The following RBFOX1 variants were observed in gnomAD, a reference collection of about 807,000 sequenced individuals.
RBFOX1 encodes RNA binding fox-1 homolog 1.
In RBFOX1, 8 loss-of-function variants were observed where a neutral mutation model predicts 57.7. That is an observed-to-expected ratio of 0.14 (90% CI 0.08 to 0.25). RBFOX1 has a LOEUF of 0.25. Ranked by LOEUF, RBFOX1 falls within the 10% of genes least tolerant of loss-of-function variation. The pLI is 1.00. For missense variants in RBFOX1, 611 were observed against 548.5 expected (o/e 1.11, Z -1.14); for synonymous variants, 326 against 222.4 (o/e 1.47, Z -4.15).
At chr16:5,467,191 T>TCC in intron 1 of RBFOX1, 2 of 1,464,028 alleles carry the variant, frequency 1.4e-6, no homozygotes, top group Non-Finnish European at 1.8e-6. Context: ...TCTCTCTCTC[T>TCC]CTCTCTTTTT....
intron 2 of RBFOX1, among the ~76,000 whole-genome samples, chr16:5,511,390 T>G (rs186346055): frequency 1.3e-4 from 20 of 152,320 alleles, no homozygotes; most frequent in Admixed American, 1.2e-3. Context: ...GTGCCTTTAT[T>G]TTTCCTTGCC....
chr16:6,831,084 T>C (rs571261245), intron 3 of RBFOX1, among the ~76,000 whole-genome samples: 2 of 152,208 alleles, frequency 1.3e-5, no homozygotes, highest in African/African-American at 4.8e-5. Context: ...CCATCTAAAG[T>C]AAAGCTGGAT....
At chr16:6,371,248 T>C (rs1366530991) in intron 2 of RBFOX1, among the ~76,000 whole-genome samples, 2 of 152,212 alleles carry the variant, frequency 1.3e-5, no homozygotes, top group East Asian at 3.9e-4. Flanking sequence ...TCACTAGTTT[T>C]ACCATTCATT....
At chr16:6,239,485 C>CTTTTTTTTTTTTTTTTTTTTTTTTT (rs59244306) in intron 1 of RBFOX1, among the ~76,000 whole-genome samples, 1 of 67,774 alleles carries the variant, frequency 1.5e-5, no homozygotes, top group African/African-American at 5.6e-5. Flanking sequence ...CCAACTGACT[C>CTTTTTTTTTTTTTTTTTTTTTTTTT]TTTTTTTTTT....
intron 1 of RBFOX1, among the ~76,000 whole-genome samples, chr16:5,425,908 G>T (rs2067545606): frequency 6.6e-6 from 1 of 152,166 alleles, no homozygotes; most frequent in South Asian, 2.1e-4. Context: ...CTGCAGCGGT[G>T]TGTGCCTTTC....
chr16:6,674,600 G>T (rs1376393393), intron 3 of RBFOX1, among the ~76,000 whole-genome samples: 1 of 152,162 alleles, frequency 6.6e-6, no homozygotes, highest in African/African-American at 2.4e-5. Flanking sequence ...GGAATTACAG[G>T]CGTGAGCCAC....
intron 3 of RBFOX1, among the ~76,000 whole-genome samples, chr16:6,758,417 G>A (rs1379600123): frequency 6.6e-6 from 1 of 152,056 alleles, no homozygotes; most frequent in African/African-American, 2.4e-5. Context: ...CATAGCAACG[G>A]GTGCTAGAGT....
intron 4 of RBFOX1, among the ~76,000 whole-genome samples, chr16:7,147,146 AT>A (rs560702800): frequency 0.038 from 4,903 of 129,052 alleles, 351 homozygotes; most frequent in African/African-American, 0.14. Context: ...TGACTGGCTA[AT>A]TTTTTTTTTT....
intron 2 of RBFOX1, among the ~76,000 whole-genome samples, chr16:6,614,855 C>A (rs1420677823): frequency 6.6e-6 from 1 of 152,202 alleles, no homozygotes; most frequent in Non-Finnish European, 1.5e-5. Flanking sequence ...CTAATCACTT[C>A]TATTAATAAA....
At chr16:6,957,771 C>T (rs1460023711) in intron 3 of RBFOX1, among the ~76,000 whole-genome samples, 1 of 152,116 alleles carries the variant, frequency 6.6e-6, no homozygotes, top group Non-Finnish European at 1.5e-5. Context: ...ACATCTGTGA[C>T]TGTTGGGCTG....
chr16:7,444,287 C>A (rs758347293), intron 4 of RBFOX1, among the ~76,000 whole-genome samples: 1 of 152,072 alleles, frequency 6.6e-6, no homozygotes, highest in Admixed American at 6.6e-5. Context: ...TGGGTGTGGT[C>A]TGGCTGGAAC....
At chr16:5,551,882 T>A (rs2045480336) in intron 2 of RBFOX1, among the ~76,000 whole-genome samples, 1 of 149,390 alleles carries the variant, frequency 6.7e-6, no homozygotes. Context: ...TGAGTGAGAA[T>A]ATGCGGTGTT....
chr16:7,665,097 G>T, intron 13 of RBFOX1, 129 bp downstream of exon 13: 1 of 1,572,048 alleles, frequency 6.4e-7, no homozygotes, highest in Non-Finnish European at 8.7e-7. Context: ...ATAATTCCGT[G>T]GTTTGTCTTG....
At chr16:6,904,781 C>G (rs539307076) in intron 3 of RBFOX1, among the ~76,000 whole-genome samples, 214 of 152,138 alleles carry the variant, frequency 1.4e-3, no homozygotes, top group Non-Finnish European at 2.7e-3. Flanking sequence ...GCCCGGGCTA[C>G]TTGTGTTACA....
At position 5,372,372 on chromosome 16, in the gene RBFOX1, A is replaced by G. The variant is rs546530773; in HGVS notation, c.220-94844A>G. Among the ~76,000 whole-genome samples, 137 of 152,332 alleles carry G rather than the reference A, an allele frequency of 9.0e-4. 2 individuals are homozygous for G. The highest frequency in any genetic ancestry group is 2.9e-3 in the African/African-American group (122 of 41,582). The stretch of plus-strand genomic sequence containing the variant: ...AAAGATGGTGGTGGGAGTGAGGTCT[A>G]TGTATTGGGTGTGTGGATAGAACAG... On this transcript the variant is annotated intron_variant, in intron 1 of 2. Transcript: ENST00000585867.
intron 3 of RBFOX1, among the ~76,000 whole-genome samples, chr16:6,984,316 C>G (rs938867142): frequency 6.6e-6 from 1 of 152,072 alleles, no homozygotes; most frequent in African/African-American, 2.4e-5. Context: ...TTGACCAGCC[C>G]TTTGATCTGT....
chr16:6,412,338 G>C (rs1309678791), intron 2 of RBFOX1, among the ~76,000 whole-genome samples: 1 of 152,078 alleles, frequency 6.6e-6, no homozygotes, highest in Non-Finnish European at 1.5e-5. Flanking sequence ...TAATGCGCTG[G>C]TAGATTTCCT....
At chr16:5,909,334 C>T (rs982769777) in intron 4 of RBFOX1, among the ~76,000 whole-genome samples, 7 of 152,070 alleles carry the variant, frequency 4.6e-5, no homozygotes, top group African/African-American at 1.2e-4. Flanking sequence ...CCTCATCATC[C>T]GCATGCCTTG....
At chr16:5,823,062 G>T (rs1166389478) in intron 3 of RBFOX1, among the ~76,000 whole-genome samples, 1 of 152,138 alleles carries the variant, frequency 6.6e-6, no homozygotes, top group Non-Finnish European at 1.5e-5. Context: ...GCTATTGGGA[G>T]CCACTGCTGT....
Sources: gnomAD v4.1 joint callset for allele counts (sites outside exome capture counted in the v4.1 genomes callset) on GRCh38, gnomAD v4.1.1 for gene constraint, MANE v1.5 for transcripts, NCBI Gene and HGNC (gene_info 2026-07-23, HGNC 2026-07-21) for gene names.